The following RAPGEF5 variants were observed in gnomAD, a reference collection of about 807,000 sequenced individuals.
The protein encoded by RAPGEF5 is Rap guanine nucleotide exchange factor 5.
Under a neutral mutation model 125.2 loss-of-function variants are expected in RAPGEF5, and 65 were observed. The observed-to-expected ratio is 0.52, with a 90% CI of 0.43 to 0.64. The LOEUF (loss-of-function observed/expected upper bound fraction) is 0.64. RAPGEF5 is among the 30% of genes least tolerant of loss of function. The pLI, the probability that RAPGEF5 is intolerant of heterozygous loss-of-function variation, is 0.00. For missense variants in RAPGEF5, 958 were observed against 1,048.1 expected (o/e 0.91, Z 1.19); for synonymous variants, 391 against 385.9 (o/e 1.01, Z -0.16).
At chr7:22,135,290 G>A (rs995255084) in intron 23 of RAPGEF5, among the ~76,000 whole-genome samples, 30 of 152,116 alleles carry the variant, frequency 2.0e-4, no homozygotes, top group Admixed American at 1.0e-3. Flanking sequence ...ATCAAAATAC[G>A]GCCAAGGATA....
chr7:22,282,626 G>A (rs1441002319), intron 6 of RAPGEF5, among the ~76,000 whole-genome samples: 1 of 152,180 alleles, frequency 6.6e-6, no homozygotes, highest in African/African-American at 2.4e-5. Context: ...CAATGCAATG[G>A]TAATACACCC....
chr7:22,260,683 A>T (rs1782134175), intron 7 of RAPGEF5, among the ~76,000 whole-genome samples: 1 of 152,184 alleles, frequency 6.6e-6, no homozygotes, highest in Non-Finnish European at 1.5e-5. Context: ...TCTCAAAAAT[A>T]TCTGATTTAT....
At chr7:22,253,317 A>G (rs1413953864) in intron 7 of RAPGEF5, among the ~76,000 whole-genome samples, 1 of 152,206 alleles carries the variant, frequency 6.6e-6, no homozygotes, top group Non-Finnish European at 1.5e-5. Flanking sequence ...GTTATCAGAC[A>G]ATCGGTGTTG....
intron 8 of RAPGEF5, among the ~76,000 whole-genome samples, chr7:22,226,232 T>C (rs1199435470): frequency 1.3e-5 from 2 of 152,198 alleles, no homozygotes; most frequent in Admixed American, 6.5e-5. Flanking sequence ...TCAGTTCAAA[T>C]TCAGGATATT....
chr7:22,161,335 C>A (rs370095070), intron 13 of RAPGEF5, among the ~76,000 whole-genome samples: 2 of 152,020 alleles, frequency 1.3e-5, no homozygotes, highest in East Asian at 1.9e-4. Flanking sequence ...GAGCTGAGTA[C>A]GAGACCAGCC....
Position 22,119,874 on chromosome 7 carries a change from TAAC to T in RAPGEF5, c.*2529_*2531del, listed in dbSNP as rs1398053950. 1 of 152,180 alleles carries T rather than the reference TAAC, an allele frequency of 6.6e-6. No individual in the cohort carries two copies. The highest frequency in any genetic ancestry group is 1.5e-5 in the Non-Finnish European group (1 of 68,040). The allele number at this position is 152,180 out of a possible 1,614,324, so 9.4% of individuals were successfully genotyped here. On this transcript the variant is annotated 3_prime_UTR_variant, in exon 26 of 26. Transcript: ENST00000665637. The surrounding 1 kb of genome is among the most constrained non-coding windows in gnomAD (Gnocchi z 4.1). ...AGAGAGGGTGCATGGCCCATCCTATTAACAAGGAGCACTCAAGCCCCACCACTG... is the reference window on the plus strand; with the variant it reads ...AGAGAGGGTGCATGGCCCATCCTATTAAGGAGCACTCAAGCCCCACCACTG...
chr7:22,298,112 C>T lies in RAPGEF5; in HGVS notation c.681-6871G>A, dbSNP rs551705551. 4.6e-5 allele frequency among the ~76,000 whole-genome samples: 7 copies of T among 151,254 alleles called. No individual in the cohort carries two copies. The East Asian group carries it at 5.8e-4, about 13-fold the overall frequency. On this transcript the variant is annotated intron_variant, in intron 5 of 25. Coordinates refer to ENST00000665637, the MANE Select transcript of RAPGEF5 (RefSeq NM_012294.5). The stretch of plus-strand genomic sequence containing the variant: ...TAGGGTAAACTCCCCTTTTTCATAA[C>T]GTATTTATAATTTTTATATGTGAGG...
intron 20 of RAPGEF5, among the ~76,000 whole-genome samples, chr7:22,143,427 T>C (rs1783328927): frequency 6.6e-6 from 1 of 152,134 alleles, no homozygotes; most frequent in Non-Finnish European, 1.5e-5. Flanking sequence ...CCAAAAACTT[T>C]CAAAAAATCC....
chr7:22,337,754 T>C (rs1784052927), intron 1 of RAPGEF5, among the ~76,000 whole-genome samples: 1 of 152,326 alleles, frequency 6.6e-6, no homozygotes, highest in South Asian at 2.1e-4. Context: ...ATGTCCAGCG[T>C]GATGGGCAAA....
intron 3 of RAPGEF5, among the ~76,000 whole-genome samples, chr7:22,310,334 A>G (rs947661934): frequency 6.6e-6 from 1 of 152,232 alleles, no homozygotes; most frequent in South Asian, 2.1e-4. Flanking sequence ...TAGTAAGTAT[A>G]TATCTTTACA....
chr7:22,251,847 T>C (rs76128667), intron 7 of RAPGEF5, among the ~76,000 whole-genome samples: 3,339 of 151,058 alleles, frequency 0.022, 117 homozygotes, highest in African/African-American at 0.077. Context: ...AAATTTAAAT[T>C]AATTTAAATA....
chr7:22,119,377 A>T lies in RAPGEF5; in HGVS notation c.*3029T>A, dbSNP rs894166941. On this transcript the variant is annotated 3_prime_UTR_variant, in exon 26 of 26. Transcript: ENST00000665637. The surrounding 1 kb of genome is among the most constrained non-coding windows in gnomAD (Gnocchi z 4.1). The stretch of plus-strand genomic sequence containing the variant: ...AGGGAAATGAATTTATTCTAAACAT[A>T]ATTAAGGAAACTAGAAAAAAGTGAA... 2.0e-5 allele frequency: 3 copies of T among 152,178 alleles called. No individual in the cohort carries two copies. The highest frequency in any genetic ancestry group is 4.4e-5 in the Non-Finnish European group (3 of 68,040). The allele number at this position is 152,178 out of a possible 1,614,324, so 9.4% of individuals were successfully genotyped here.
At chr7:22,229,508 GT>G (rs1293686392) in intron 8 of RAPGEF5, among the ~76,000 whole-genome samples, 11 of 152,222 alleles carry the variant, frequency 7.2e-5, no homozygotes, top group Non-Finnish European at 1.6e-4. Context: ...GCCATTAAAT[GT>G]ATATACATCA....
chr7:22,351,902 C>T (rs1345254), intron 1 of RAPGEF5, among the ~76,000 whole-genome samples: 2,683 of 152,212 alleles, frequency 0.018, 79 homozygotes, highest in African/African-American at 0.062. Flanking sequence ...CTTTTTGAGA[C>T]GGAATCATCT....
At chr7:22,223,389 G>A (rs1362792636) in intron 8 of RAPGEF5, among the ~76,000 whole-genome samples, 1 of 152,200 alleles carries the variant, frequency 6.6e-6, no homozygotes, top group Non-Finnish European at 1.5e-5. Flanking sequence ...TGTTTGAACT[G>A]ATAGGGACAA....
intron 6 of RAPGEF5, among the ~76,000 whole-genome samples, chr7:22,283,893 T>A (rs1034575743): frequency 2.0e-5 from 3 of 152,150 alleles, no homozygotes; most frequent in African/African-American, 7.2e-5. Flanking sequence ...AAAGATAAAT[T>A]TCCCCCTGCC....
Position 22,272,352 on chromosome 7 carries a change from AAAAAAAAAAAAGAAGGAAAAAAAAG to A in RAPGEF5, c.748-5365_748-5341del, listed in dbSNP as rs1294385456. ...AGCAAGACTCCGTCTCAAAAAAAAA[AAAAAAAAAAAAGAAGGAAAAAAAAG>A]AAAAAAAAATCAAGGAAACTCATTT... On this transcript the variant is annotated intron_variant, in intron 6 of 25. Transcript: ENST00000665637. Among the ~76,000 whole-genome samples, 115 of 109,532 alleles carry A rather than the reference AAAAAAAAAAAAGAAGGAAAAAAAAG, an allele frequency of 1.0e-3. 3 individuals carry two copies. Among genetic ancestry groups the A allele is most frequent in the East Asian group, 1.4e-3 (5 of 3,518 alleles). The allele number at this position is 109,532 out of a possible 152,430, so 71.9% of individuals were successfully genotyped here.
intron 11 of RAPGEF5, among the ~76,000 whole-genome samples, chr7:22,184,790 G>A (rs2128122922): frequency 6.6e-6 from 1 of 152,290 alleles, no homozygotes; most frequent in South Asian, 2.1e-4. Flanking sequence ...ACATACTATT[G>A]CATGTTCAAA....
chr7:22,251,835 T>G (rs1300642552), intron 7 of RAPGEF5, among the ~76,000 whole-genome samples: 1 of 151,286 alleles, frequency 6.6e-6, no homozygotes, highest in East Asian at 2.0e-4. Flanking sequence ...GTTTATGCTT[T>G]GAAATTTAAA....
Sources: allele counts gnomAD v4.1 joint callset (sites outside exome capture counted in the v4.1 genomes callset), GRCh38; gene constraint gnomAD v4.1.1; non-coding constraint Gnocchi (gnomAD v3.1); transcripts MANE v1.5; gene names NCBI Gene and HGNC (gene_info 2026-07-23, HGNC 2026-07-21).